Variants in CBFB observed in about 807,000 individuals in gnomAD.
CBFB encodes CBF-beta.
CBFB carries 9 observed loss-of-function variants against 30.4 expected under a neutral mutation model. The ratio of observed to expected loss-of-function variants is 0.30; its 90% confidence interval spans 0.18 to 0.52. The LOEUF is 0.52. CBFB is among the 20% of genes least tolerant of loss of function. The pLI, the probability that CBFB is intolerant of heterozygous loss-of-function variation, is 0.97. For missense variants in CBFB, 170 were observed against 244.0 expected, an observed-to-expected ratio of 0.70 and a Z score of 2.02; for synonymous variants, 94 against 84.0, an observed-to-expected ratio of 1.12 and a Z score of -0.65.
chr16:67,051,700 C>T (rs1247387703), intron 3 of CBFB, among the ~76,000 whole-genome samples: 2 of 151,332 alleles, frequency 1.3e-5, no homozygotes, highest in Non-Finnish European at 2.9e-5. Context: ...AAGCTGAGAG[C>T]CTTATTTCAA....
At chr16:67,098,529 T>G (rs909067790) in intron 5 of CBFB, among the ~76,000 whole-genome samples, 181 bp from the exon 6 acceptor site, 1 of 152,216 alleles carries the variant, frequency 6.6e-6, no homozygotes, top group South Asian at 2.1e-4. Flanking sequence ...AAGGAAACTT[T>G]AGTAAAATAT....
intron 5 of CBFB, among the ~76,000 whole-genome samples, chr16:67,092,200 TGTTA>T (rs748049160): frequency 1.5e-4 from 23 of 152,194 alleles, no homozygotes; most frequent in Non-Finnish European, 2.9e-4. Flanking sequence ...TCTGTTGCTG[TGTTA>T]GTTCTCTGAG....
intron 2 of CBFB, chr16:67,036,399 A>C: frequency 2.4e-6 from 1 of 420,296 alleles, no homozygotes; most frequent in Non-Finnish European, 4.3e-6. Context: ...ACCTGAAAGA[A>C]AGTATTGATT....
At chr16:67,033,819 GT>G (rs573801388) in intron 2 of CBFB, among the ~76,000 whole-genome samples, 57 of 91,712 alleles carry the variant, frequency 6.2e-4, no homozygotes, top group South Asian at 1.1e-3. Flanking sequence ...TTTCACCGTT[GT>G]TTTTTTTTTT....
At chr16:67,089,658 G>A (rs1961829408) in intron 5 of CBFB, among the ~76,000 whole-genome samples, 1 of 152,142 alleles carries the variant, frequency 6.6e-6, no homozygotes. Flanking sequence ...GGTAGGGATT[G>A]TTCTGGTCTC....
intron 4 of CBFB, among the ~76,000 whole-genome samples, chr16:67,073,923 G>C (rs531768289): frequency 2.9e-4 from 44 of 151,730 alleles, no homozygotes; most frequent in Admixed American, 2.9e-3. Context: ...TAGTTACTTG[G>C]GAAGCTGAGG....
At chr16:67,067,633 G>A (rs1961097460) in intron 4 of CBFB, among the ~76,000 whole-genome samples, 1 of 152,148 alleles carries the variant, frequency 6.6e-6, no homozygotes, top group Admixed American at 6.5e-5. Context: ...CCATTCCCCA[G>A]CTCTGTGGTC....
chr16:67,029,642 C>T (rs1170250747), intron 1 of CBFB, 85 bp from the exon 2 acceptor site: 4 of 1,377,018 alleles, frequency 2.9e-6, no homozygotes, highest in Middle Eastern at 3.6e-4. Flanking sequence ...CCTCTGCTTG[C>T]CCTTATCGGC....
At chr16:67,064,288 C>T (rs571235835) in intron 3 of CBFB, among the ~76,000 whole-genome samples, 8 of 152,208 alleles carry the variant, frequency 5.3e-5, no homozygotes, top group Admixed American at 3.9e-4. Flanking sequence ...TTTACTGCAA[C>T]CTCTGCCTCC....
chr16:67,067,003 G>T, intron 4 of CBFB: 1 of 390,088 alleles, frequency 2.6e-6, no homozygotes, highest in Non-Finnish European at 4.7e-6. Context: ...AAATTTCATG[G>T]GTTATTCGTA....
intron 3 of CBFB, among the ~76,000 whole-genome samples, chr16:67,048,404 T>C (rs1261488976): frequency 1.3e-5 from 2 of 152,244 alleles, no homozygotes; most frequent in African/African-American, 2.4e-5. Context: ...ATTGAGCTTT[T>C]TGGTTCTTCC....
At chr16:67,066,295 C>A (rs1288227692) in intron 3 of CBFB, among the ~76,000 whole-genome samples, 1 of 150,574 alleles carries the variant, frequency 6.6e-6, no homozygotes, top group East Asian at 1.9e-4. Flanking sequence ...CGCCTGTAAT[C>A]CTAGCACTTT....
At chr16:67,078,725 C>T (rs1289315434) in intron 4 of CBFB, among the ~76,000 whole-genome samples, 3 of 152,038 alleles carry the variant, frequency 2.0e-5, no homozygotes, top group African/African-American at 4.8e-5. Flanking sequence ...CTTGGCTCAC[C>T]GCAACCTCTG....
chr16:67,037,530 T>C (rs920661201), intron 3 of CBFB, among the ~76,000 whole-genome samples: 3 of 152,140 alleles, frequency 2.0e-5, no homozygotes, highest in Non-Finnish European at 4.4e-5. Context: ...TTTTTTTGTT[T>C]TGAGAAAAAG....
intron 3 of CBFB, among the ~76,000 whole-genome samples, chr16:67,049,952 C>T (rs1478580688): frequency 6.6e-6 from 1 of 151,912 alleles, no homozygotes; most frequent in African/African-American, 2.4e-5. Context: ...GCTAAGTTAA[C>T]CTTCAAAAGT....
intron 3 of CBFB, among the ~76,000 whole-genome samples, chr16:67,042,121 G>A (rs531487998): frequency 1.3e-5 from 2 of 152,028 alleles, no homozygotes; most frequent in South Asian, 4.1e-4. Flanking sequence ...ATGGGGTTCT[G>A]TTATATTGCC....
intron 4 of CBFB, among the ~76,000 whole-genome samples, chr16:67,072,797 G>A (rs1027500492): frequency 6.6e-6 from 1 of 151,050 alleles, no homozygotes; most frequent in Non-Finnish European, 1.5e-5. Context: ...TAGCGACAGA[G>A]TCTTGCTCTG....
At chr16:67,065,532 A>AT (rs1378724467) in intron 3 of CBFB, among the ~76,000 whole-genome samples, 7 of 152,182 alleles carry the variant, frequency 4.6e-5, no homozygotes, top group African/African-American at 1.7e-4. Flanking sequence ...AAGTTTATTC[A>AT]TTTTTTTATT....
chr16:67,035,078 T>G (rs1375384821), intron 2 of CBFB, among the ~76,000 whole-genome samples: 1 of 151,868 alleles, frequency 6.6e-6, no homozygotes, highest in Non-Finnish European at 1.5e-5. Flanking sequence ...CATGGGAAGT[T>G]TTTTTTGTTT....
Sources: allele counts gnomAD v4.1 joint callset (sites outside exome capture counted in the v4.1 genomes callset), GRCh38; gene constraint gnomAD v4.1.1; transcripts MANE v1.5; gene names NCBI Gene and HGNC (gene_info 2026-07-23, HGNC 2026-07-21).